Variants in HIBADH observed in about 807,000 individuals in gnomAD.
HIBADH encodes 3-hydroxyisobutyrate dehydrogenase, mitochondrial.
In HIBADH, 25 loss-of-function variants were observed where a neutral mutation model predicts 36.1. The ratio of observed to expected loss-of-function variants is 0.69; its 90% CI spans 0.50 to 0.97. The LOEUF (loss-of-function observed/expected upper bound fraction) is 0.97, where lower values mean the gene tolerates loss of function less well. HIBADH is among the 50% of genes least tolerant of loss of function. The pLI, the probability that HIBADH is intolerant of heterozygous loss-of-function variation, is 0.00. For missense variants in HIBADH, 421 were observed against 418.0 expected (o/e 1.01, Z -0.06); for synonymous variants, 160 against 149.5 (o/e 1.07, Z -0.51).
intron 4 of HIBADH, among the ~76,000 whole-genome samples, chr7:27,551,583 T>G (rs930764407): frequency 7.4e-6 from 1 of 134,810 alleles, no homozygotes; most frequent in East Asian, 2.5e-4. Context: ...AGATAAACCA[T>G]GATGCAGGTG....
At position 27,526,435 on chromosome 7, in the gene HIBADH, T is replaced by C. The variant is rs535317684; in HGVS notation, c.853-63A>G. ...TGGTAAAGGCTCTTTGGAACTGTGGTTCCTTATGTTTTGGTTTGAAAGAAG... is the reference window on the plus strand; with the variant it reads ...TGGTAAAGGCTCTTTGGAACTGTGGCTCCTTATGTTTTGGTTTGAAAGAAG... On this transcript the variant is annotated intron_variant, in intron 7 of 7. Transcript: ENST00000265395. The C allele has an allele frequency of 2.5e-5, 33 of 1,297,128 alleles. No individual in the cohort carries two copies. In the East Asian group the frequency reaches 8.0e-4, roughly 31 times the overall value. 80.4% of individuals were successfully genotyped at this position (1,297,128 alleles called of 1,614,324 possible).
chr7:27,631,118 A>G (rs569173527), intron 3 of HIBADH, among the ~76,000 whole-genome samples: 57 of 152,330 alleles, frequency 3.7e-4, no homozygotes, highest in Middle Eastern at 3.4e-3. Context: ...TAGTCACCAT[A>G]TTCCTTAGCA....
rs1562652353 is a variant in HIBADH at position 27,632,363 on chromosome 7, G to A, written c.335C>T (p.Ala112Val). Reference sequence around the variant, plus strand: ...TAGAATCCCATTTGCTCCGGAATAAGCTTCTATTGCATTGATACTGGTGGG... The same window carrying A: ...TAGAATCCCATTTGCTCCGGAATAAACTTCTATTGCATTGATACTGGTGGG... ...MLPTSINAIE[A>V]YSGANGILKK... The change falls in exon 3 of 8, where the codon GCT (alanine) becomes GTT (valine). Residue 112 changes from alanine to valine, a missense_variant. Coordinates refer to ENST00000265395, the MANE Select transcript of HIBADH (RefSeq NM_152740.4). 1.2e-6 allele frequency: 2 copies of A among 1,611,324 alleles called. No individual in the cohort carries two copies. The highest frequency in any genetic ancestry group is 2.2e-5 in the South Asian group (2 of 91,018).
At chr7:27,580,460 A>T (rs1784771579) in intron 4 of HIBADH, among the ~76,000 whole-genome samples, 1 of 152,228 alleles carries the variant, frequency 6.6e-6, no homozygotes, top group Non-Finnish European at 1.5e-5. Flanking sequence ...AATGCTAGGA[A>T]AAGTTTTCAG....
In HIBADH at chr7:27,632,402, A is replaced by G. The variant is rs1193666727; in HGVS notation, c.296T>C (p.Ile99Thr). The change falls in exon 3 of 8, where the codon ATT (isoleucine) becomes ACT (threonine). Residue 99 changes from isoleucine to threonine, a missense_variant. Physicochemically the swap from Ile to Thr is moderately conservative, Grantham distance 89. Transcript: ENST00000265395. ...GATACTGGTGGGCAGCATTGTAATA[A>G]TTCTGTCAGCTTTTTCAGCAACATC... ...PADVAEKADR[I>T]ITMLPTSINA... The G allele has an allele frequency of 6.2e-7, 1 of 1,613,644 alleles. No homozygotes were observed.
At chr7:27,638,497 T>C (rs563132681) in intron 2 of HIBADH, among the ~76,000 whole-genome samples, 155 of 151,982 alleles carry the variant, frequency 1.0e-3, no homozygotes, top group African/African-American at 3.5e-3. Flanking sequence ...ACCTGGAAGA[T>C]AACCTAGGAA....
chr7:27,566,332 CTTTAA>C (rs1252209767), intron 4 of HIBADH, among the ~76,000 whole-genome samples: 1 of 151,690 alleles, frequency 6.6e-6, no homozygotes, highest in Non-Finnish European at 1.5e-5. Flanking sequence ...CAAATTCATT[CTTTAA>C]TTTCTTTTTA....
At chr7:27,589,326 T>C (rs1784908282) in intron 4 of HIBADH, among the ~76,000 whole-genome samples, 2 of 152,196 alleles carry the variant, frequency 1.3e-5, no homozygotes, top group South Asian at 2.1e-4. Flanking sequence ...TTCAAATCTT[T>C]ATACATAAGT....
At chr7:27,543,455 C>T (rs1784189015) in intron 4 of HIBADH, among the ~76,000 whole-genome samples, 2 of 151,182 alleles carry the variant, frequency 1.3e-5, no homozygotes, top group Non-Finnish European at 2.9e-5. Context: ...AGAAAGTATA[C>T]AAAAAAAAAG....
chr7:27,558,886 A>G (rs1349885525), intron 4 of HIBADH, among the ~76,000 whole-genome samples: 5 of 152,158 alleles, frequency 3.3e-5, no homozygotes, highest in African/African-American at 1.2e-4. Flanking sequence ...CCAGCAGAAT[A>G]TTTTCAAGTT....
chr7:27,587,649 C>T (rs1381432178), intron 4 of HIBADH, among the ~76,000 whole-genome samples: 2 of 152,204 alleles, frequency 1.3e-5, no homozygotes, highest in African/African-American at 2.4e-5. Flanking sequence ...TCCCCACTGC[C>T]TATACCCTCT....
intron 4 of HIBADH, among the ~76,000 whole-genome samples, chr7:27,552,854 T>G (rs1223002191): frequency 6.6e-6 from 1 of 152,236 alleles, no homozygotes; most frequent in African/African-American, 2.4e-5. Context: ...TGAAAGTCAC[T>G]GCAGCAGTTC....
chr7:27,563,468 C>A (rs1186715524), intron 4 of HIBADH, among the ~76,000 whole-genome samples: 1 of 152,190 alleles, frequency 6.6e-6, no homozygotes, highest in Non-Finnish European at 1.5e-5. Flanking sequence ...TTATGAAAAG[C>A]TTCCAAATTG....
chr7:27,574,433 A>ATAAT (rs915698822), intron 4 of HIBADH, among the ~76,000 whole-genome samples: 2 of 152,304 alleles, frequency 1.3e-5, no homozygotes, highest in African/African-American at 4.8e-5. Flanking sequence ...GAGGTTGAAA[A>ATAAT]TAATAGGGAC....
intron 1 of HIBADH, among the ~76,000 whole-genome samples, chr7:27,650,091 TATCATTTATAAA>T (rs924663491): frequency 1.3e-5 from 2 of 152,166 alleles, no homozygotes; most frequent in African/African-American, 2.4e-5. Flanking sequence ...TAAATAATGT[TATCATTTATAAA>T]ACACCTAATA....
chr7:27,651,014 G>T (rs1288898881), intron 1 of HIBADH, among the ~76,000 whole-genome samples: 2 of 152,094 alleles, frequency 1.3e-5, no homozygotes, highest in Non-Finnish European at 1.5e-5. Context: ...AAAGAGAGAA[G>T]TAACTCTCCT....
intron 1 of HIBADH, among the ~76,000 whole-genome samples, chr7:27,660,677 T>A (rs898757051): frequency 2.6e-4 from 39 of 151,324 alleles, no homozygotes; most frequent in Middle Eastern, 3.4e-3. Flanking sequence ...AAAAAAAAAT[T>A]TTTTTCAAGA....
rs780808655 is a variant in HIBADH at position 27,594,322 on chromosome 7, T to A, written c.484+35049A>T. Among the ~76,000 whole-genome samples, 139 of 152,042 alleles carry A rather than the reference T, an allele frequency of 9.1e-4. 1 individual carries two copies. Among genetic ancestry groups the A allele is most frequent in the Middle Eastern group, 3.4e-3 (1 of 294 alleles). On this transcript the variant is annotated intron_variant, in intron 4 of 7. Transcript: ENST00000265395. Reference sequence around the variant, plus strand: ...CCACGCCTGGCTAATTTTGTATTTTTAGTAGAGACGAGGTTTCACCACATT... The same window carrying A: ...CCACGCCTGGCTAATTTTGTATTTTAAGTAGAGACGAGGTTTCACCACATT...
At position 27,533,041 on chromosome 7, in the gene HIBADH, G is replaced by A. The variant is rs139990498; in HGVS notation, c.696-1693C>T. 2.1e-3 allele frequency among the ~76,000 whole-genome samples: 319 copies of A among 152,212 alleles called. 2 individuals are homozygous for A. The highest frequency in any genetic ancestry group is 3.5e-3 in the East Asian group (18 of 5,184). The stretch of plus-strand genomic sequence containing the variant: ...AAAATACTTTTAAAGACTCCAAAAC[G>A]TCACTTTCTCTCTCCATTTGAAATA... On this transcript the variant is annotated intron_variant, in intron 6 of 7. Transcript: ENST00000265395.
Sources: allele counts gnomAD v4.1 joint callset (sites outside exome capture counted in the v4.1 genomes callset), GRCh38; gene constraint gnomAD v4.1.1; transcripts MANE v1.5; gene names NCBI Gene and HGNC (gene_info 2026-07-23, HGNC 2026-07-21).